The following MSRB3 variants were observed in gnomAD, a reference collection of about 807,000 sequenced individuals.
MSRB3 encodes the protein methionine-R-sulfoxide reductase B3.
MSRB3 carries 13 observed loss-of-function variants against 21.0 expected under a neutral mutation model. The observed-to-expected ratio is 0.62, with a 90% CI of 0.40 to 0.98. MSRB3 has a LOEUF of 0.98. Ranked by LOEUF, MSRB3 falls within the 50% of genes least tolerant of loss-of-function variation. The pLI, the probability that MSRB3 is intolerant of heterozygous loss-of-function variation, is 0.00. For missense variants in MSRB3, 199 were observed against 230.3 expected (o/e 0.86, Z 0.88); for synonymous variants, 87 against 88.6 (o/e 0.98, Z 0.10).
intron 4 of MSRB3, among the ~76,000 whole-genome samples, chr12:65,346,872 G>A (rs1876549663): frequency 6.6e-6 from 1 of 152,022 alleles, no homozygotes; most frequent in Non-Finnish European, 1.5e-5. Context: ...TTTTTGTCAG[G>A]TTTGTCAAAG....
intron 5 of MSRB3, among the ~76,000 whole-genome samples, chr12:65,388,913 T>G (rs1879328770): frequency 6.6e-6 from 1 of 152,174 alleles, no homozygotes; most frequent in South Asian, 2.1e-4. Flanking sequence ...TTAATTTGAA[T>G]ATTGTGAGCA....
Sources: gnomAD v4.1 joint callset for allele counts (sites outside exome capture counted in the v4.1 genomes callset) on GRCh38, gnomAD v4.1.1 for gene constraint, MANE v1.5 for transcripts, NCBI Gene and HGNC (gene_info 2026-07-23, HGNC 2026-07-21) for gene names.